Variants in PCDH15 observed in about 807,000 individuals in gnomAD.
The protein encoded by PCDH15 is protocadherin related 15, also known as protocadherin-15.
In PCDH15, 129 loss-of-function variants were observed where a neutral mutation model predicts 178.5. The observed-to-expected ratio is 0.72, with a 90% confidence interval of 0.63 to 0.84. The LOEUF is 0.84. Among genes scored for constraint, PCDH15 ranks in the 40% least tolerant of loss-of-function variants. PCDH15 has a pLI of 0.00. For synonymous variants in PCDH15, 800 were observed against 732.0 expected (o/e 1.09, Z -1.50); for missense variants, 2,230 against 2,099.9 (o/e 1.06, Z -1.21).
intron 3 of PCDH15, among the ~76,000 whole-genome samples, chr10:54,859,942 A>G (rs1007451006): frequency 1.3e-5 from 2 of 152,000 alleles, no homozygotes; most frequent in Admixed American, 6.6e-5. Flanking sequence ...ACTCTTAAGC[A>G]TCTATTCCCA....
intron 27 of PCDH15, among the ~76,000 whole-genome samples, chr10:53,865,330 G>C (rs2079375423): frequency 6.6e-6 from 1 of 152,144 alleles, no homozygotes; most frequent in Admixed American, 6.6e-5. Flanking sequence ...AAGAGAACAT[G>C]AGAGGTTCTC....
At position 54,183,519 on chromosome 10, in the gene PCDH15, G is replaced by A. The variant is rs1445354219; in HGVS notation, c.1515C>T (p.Asn505=). ...AGGATATTTCAGGGAAGGTTGGCGT[G>A]TTATCATTTGCATCCATCACTTGAA... ...VNIQVMDAND[N]TPTFPEISYD... Residue 505 remains asparagine, a synonymous_variant, in exon 13 of 38, where the codon AAC becomes AAT. Coordinates refer to ENST00000644397, the MANE Select transcript of PCDH15 (RefSeq NM_001384140.1). The A allele has an allele frequency of 2.5e-6, 4 of 1,613,754 alleles. No homozygotes were observed. Among genetic ancestry groups the A allele is most frequent in the Non-Finnish European group, 3.4e-6 (4 of 1,179,720 alleles).
intron 2 of PCDH15, among the ~76,000 whole-genome samples, chr10:55,447,040 G>A (rs1312181120): frequency 6.6e-6 from 1 of 151,992 alleles, no homozygotes; most frequent in African/African-American, 2.4e-5. Context: ...AAAAACTGAA[G>A]AGAATGTAAT....
At chr10:55,161,457 C>T (rs1255613740) in intron 2 of PCDH15, among the ~76,000 whole-genome samples, 1 of 152,024 alleles carries the variant, frequency 6.6e-6, no homozygotes, top group Non-Finnish European at 1.5e-5. Context: ...TGGAACCCAG[C>T]CACATATTTG....
intron 32 of PCDH15, chr10:53,822,266 TGGAGGAAGAGGA>T (rs2076324323): frequency 6.2e-7 from 1 of 1,613,000 alleles, no homozygotes; most frequent in African/African-American, 1.3e-5. Flanking sequence ...AAGGAGGTGG[TGGAGGAAGAGGA>T]GTTGGAAATG....
At chr10:54,759,660 T>A (rs1947613627) in intron 1 of PCDH15, among the ~76,000 whole-genome samples, 1 of 152,206 alleles carries the variant, frequency 6.6e-6, no homozygotes, top group African/African-American at 2.4e-5. Flanking sequence ...ATAAGTAAAT[T>A]GACAAAATCC....
chr10:55,546,949 TAAGGGAAAAG>T (rs1280618995), intron 2 of PCDH15, among the ~76,000 whole-genome samples: 3 of 150,698 alleles, frequency 2.0e-5, no homozygotes. Context: ...TGTGAAAGAA[TAAGGGAAAAG>T]AAGGGAAATA....
At chr10:54,713,509 A>C (rs1349883771) in intron 1 of PCDH15, among the ~76,000 whole-genome samples, 1 of 152,104 alleles carries the variant, frequency 6.6e-6, no homozygotes, top group Non-Finnish European at 1.5e-5. Context: ...AACGTTTAAG[A>C]AGTAACAGTT....
At chr10:55,132,828 C>T (rs1469805333) in intron 2 of PCDH15, among the ~76,000 whole-genome samples, 2 of 152,138 alleles carry the variant, frequency 1.3e-5, no homozygotes, top group Non-Finnish European at 2.9e-5. Flanking sequence ...AGACTGTGAG[C>T]ATTTACCTAA....
intron 2 of PCDH15, among the ~76,000 whole-genome samples, chr10:54,553,153 A>G (rs2086802555): frequency 6.6e-6 from 1 of 152,170 alleles, no homozygotes. Flanking sequence ...TTTGATTACA[A>G]TGTATTCCAA....
intron 14 of PCDH15, among the ~76,000 whole-genome samples, chr10:54,136,174 GTATC>G (rs2042884296): frequency 1.3e-5 from 2 of 152,074 alleles, no homozygotes; most frequent in Admixed American, 1.3e-4. Flanking sequence ...TGAGCATGTT[GTATC>G]ATAATCTTTA....
At chr10:55,509,404 C>T (rs1169096937) in intron 2 of PCDH15, among the ~76,000 whole-genome samples, 6 of 151,616 alleles carry the variant, frequency 4.0e-5, no homozygotes, top group African/African-American at 1.5e-4. Context: ...GAAAATGATG[C>T]TCTCAGACTT....
intron 1 of PCDH15, among the ~76,000 whole-genome samples, chr10:55,235,446 C>T (rs1181321599): frequency 6.6e-6 from 1 of 152,074 alleles, no homozygotes; most frequent in East Asian, 1.9e-4. Flanking sequence ...TATTTGTCTA[C>T]TTTTCTTAAA....
intron 2 of PCDH15, among the ~76,000 whole-genome samples, chr10:55,566,763 C>A (rs1466453392): frequency 6.6e-6 from 1 of 151,496 alleles, no homozygotes. Context: ...ACAAAACATT[C>A]CAAAAGAAAT....
At chr10:54,547,142 C>T (rs534963459) in intron 2 of PCDH15, among the ~76,000 whole-genome samples, 12 of 152,180 alleles carry the variant, frequency 7.9e-5, no homozygotes, top group South Asian at 2.1e-4. Context: ...ATTCATTGCA[C>T]GGTGAGATAT....
intron 21 of PCDH15, among the ~76,000 whole-genome samples, chr10:53,992,337 G>A (rs547827087): frequency 9.2e-5 from 14 of 152,232 alleles, no homozygotes; most frequent in East Asian, 5.8e-4. Flanking sequence ...GACAGTCTGC[G>A]GCTTCCTTCT....
intron 26 of PCDH15, among the ~76,000 whole-genome samples, chr10:53,884,693 T>G (rs1248292506): frequency 6.6e-6 from 1 of 152,202 alleles, no homozygotes; most frequent in South Asian, 2.1e-4. Flanking sequence ...GCTTTATCTC[T>G]ACACCTCTTT....
intron 2 of PCDH15, among the ~76,000 whole-genome samples, chr10:55,601,822 G>A (rs1297312152): frequency 2.6e-5 from 4 of 152,112 alleles, no homozygotes; most frequent in South Asian, 2.1e-4. Flanking sequence ...GAGTTTCCTT[G>A]AATGAAAGGC....
At chr10:55,222,870 A>C (rs1840926360) in intron 1 of PCDH15, among the ~76,000 whole-genome samples, 1 of 151,728 alleles carries the variant, frequency 6.6e-6, no homozygotes, top group African/African-American at 2.4e-5. Flanking sequence ...TTGAGACCAA[A>C]GCATGAGTTA....
Sources: allele counts gnomAD v4.1 joint callset (sites outside exome capture counted in the v4.1 genomes callset), GRCh38; gene constraint gnomAD v4.1.1; transcripts MANE v1.5; gene names NCBI Gene and HGNC (gene_info 2026-07-23, HGNC 2026-07-21).